MEP1B: variants seen among roughly 807,000 people sequenced by gnomAD.
MEP1B encodes N-benzoyl-L-tyrosyl-P-amino-benzoic acid hydrolase subunit beta.
MEP1B carries 80 observed loss-of-function variants against 84.6 expected under a neutral mutation model. The ratio of observed to expected loss-of-function variants is 0.95; its 90% CI spans 0.79 to 1.14. MEP1B has a LOEUF of 1.14. Among genes scored for constraint, MEP1B ranks in the 50% most tolerant of loss-of-function variants. The probability of loss-of-function intolerance (pLI) is 0.00; values close to 1 mark genes in which losing one functional copy is unlikely to be tolerated. For synonymous variants in MEP1B, 273 were observed against 288.1 expected (o/e 0.95, Z 0.53); for missense variants, 766 against 855.1 (o/e 0.90, Z 1.30).
At chr18:32,215,943 A>C (rs2041082707) in intron 12 of MEP1B, among the ~76,000 whole-genome samples, 1 of 149,246 alleles carries the variant, frequency 6.7e-6, no homozygotes, top group Non-Finnish European at 1.5e-5. Flanking sequence ...ACCTGTTTCA[A>C]ATGTACATAC....
chr18:32,190,220 G>GT (rs2040788938), intron 1 of MEP1B, 87 bp downstream of exon 1: 2 of 938,868 alleles, frequency 2.1e-6, no homozygotes, highest in African/African-American at 1.7e-5. Flanking sequence ...TTTTTTGTTT[G>GT]TTTTTTATAC....
chr18:32,194,280 T>G (rs1598886154), intron 4 of MEP1B, among the ~76,000 whole-genome samples: 2 of 152,184 alleles, frequency 1.3e-5, no homozygotes, highest in East Asian at 3.9e-4. Flanking sequence ...CTAATTTGTC[T>G]TTCTATTTCA....
At chr18:32,203,846 AG>A (rs973782990) in intron 6 of MEP1B, among the ~76,000 whole-genome samples, 1 of 151,782 alleles carries the variant, frequency 6.6e-6, no homozygotes, top group Non-Finnish European at 1.5e-5. Flanking sequence ...AAGAGTGGGG[AG>A]GGGGAGGTGC....
chr18:32,205,817 T>C (rs541229312), intron 7 of MEP1B, among the ~76,000 whole-genome samples: 2 of 152,238 alleles, frequency 1.3e-5, no homozygotes, highest in Non-Finnish European at 2.9e-5. Context: ...TATATACTTA[T>C]GTGGTACAGT....
intron 6 of MEP1B, 191 bp downstream of exon 6, chr18:32,203,201 G>A (rs17735714): frequency 0.16 from 77,640 of 483,440 alleles, 6,944 homozygotes; most frequent in South Asian, 0.21. Flanking sequence ...ACATGTAACC[G>A]CCTTTAGACA....
At chr18:32,195,365 C>T in intron 4 of MEP1B, 42 bp from the exon 5 acceptor site, 4 of 1,273,946 alleles carry the variant, frequency 3.1e-6, no homozygotes, top group South Asian at 1.2e-5. Flanking sequence ...TAAGTGTTTG[C>T]CTTATTTGTT....
rs149917646 is a variant in MEP1B at position 32,213,218 on chromosome 18, G to A, written c.1238G>A (p.Gly413Asp). Residue 413 changes from glycine to aspartate, a missense_variant, in exon 11 of 15, where the codon GGT (glycine) becomes GAT (aspartate). Coordinates refer to ENST00000269202, the MANE Select transcript of MEP1B (RefSeq NM_005925.3). Reference sequence around the variant, plus strand: ...CGCAAAGGCTCTGGTGCATCACTGGGTGGTCTGTCTATTGATGACATCAAT... The same window carrying A: ...CGCAAAGGCTCTGGTGCATCACTGGATGGTCTGTCTATTGATGACATCAAT... ...EGRKGSGASL[G>D]GLSIDDINLS... 3.7e-6 allele frequency: 6 copies of A among 1,613,986 alleles called. No homozygotes were observed. The highest frequency in any genetic ancestry group is 2.2e-5 in the East Asian group (1 of 44,890).
At chr18:32,207,496 CTT>C in intron 8 of MEP1B, 26 bp downstream of exon 8, 5 of 1,501,744 alleles carry the variant, frequency 3.3e-6, no homozygotes, top group Non-Finnish European at 4.6e-6. Flanking sequence ...TTTGAAATGA[CTT>C]ATATTTTCCG....
chr18:32,194,436 G>A (rs549578862), intron 4 of MEP1B, among the ~76,000 whole-genome samples: 171 of 152,136 alleles, frequency 1.1e-3, no homozygotes, highest in African/African-American at 4.0e-3. Flanking sequence ...ATCATCTCCC[G>A]ATTTAGTCCC....
intron 9 of MEP1B, among the ~76,000 whole-genome samples, chr18:32,209,544 G>A (rs1000962427): frequency 6.6e-6 from 1 of 151,796 alleles, no homozygotes; most frequent in Non-Finnish European, 1.5e-5. Flanking sequence ...ATTACTAGCT[G>A]TGCCTTCTTT....
chr18:32,215,268 C>G lies in MEP1B; in HGVS notation c.1759+7C>G, dbSNP rs2041071485. ...ATCCTACTGACAGTGGAAGGTATGT[C>G]AATAAAAATAGTTTTATATAAACTA... On this transcript the variant is annotated splice_region_variant and intron_variant, in intron 12 of 14. Transcript: ENST00000269202. 6.5e-7 allele frequency: 1 copy of G among 1,541,104 alleles called. No homozygotes were observed. Among genetic ancestry groups the G allele is most frequent in the Non-Finnish European group, 8.7e-7 (1 of 1,144,654 alleles).
At chr18:32,207,938 AT>A (rs1285339933) in intron 8 of MEP1B, among the ~76,000 whole-genome samples, 180 bp from the exon 9 acceptor site, 3 of 152,192 alleles carry the variant, frequency 2.0e-5, no homozygotes, top group Non-Finnish European at 2.9e-5. Flanking sequence ...TACAGAATTC[AT>A]TACCTTCTTT....
chr18:32,203,457 T>C (rs902217719), intron 6 of MEP1B, among the ~76,000 whole-genome samples: 1 of 152,168 alleles, frequency 6.6e-6, no homozygotes, highest in African/African-American at 2.4e-5. Flanking sequence ...CCCTTGTTAA[T>C]GGGCACAGGC....
chr18:32,193,695 C>T (rs2040824762), intron 4 of MEP1B, among the ~76,000 whole-genome samples: 1 of 152,136 alleles, frequency 6.6e-6, no homozygotes, highest in African/African-American at 2.4e-5. Context: ...TCTGCTCTTC[C>T]TTCCAACACA....
Position 32,213,402 on chromosome 18 carries a change from G to T in MEP1B, c.1422G>T (p.Gly474=). 6.2e-7 allele frequency: 1 copy of T among 1,613,860 alleles called. No individual in the cohort carries two copies. Among genetic ancestry groups the T allele is most frequent in the Non-Finnish European group, 8.5e-7 (1 of 1,179,830 alleles). Residue 474 remains glycine, a synonymous_variant, in exon 11 of 15, where the codon GGG becomes GGT. Transcript: ENST00000269202. Reference sequence around the variant, plus strand: ...ATCTAGCCCATGTGACTAATGCAGGGATATATTTCCACTTGATCTCTGGAG... The same window carrying T: ...ATCTAGCCCATGTGACTAATGCAGGTATATATTTCCACTTGATCTCTGGAG... ...YLNLAHVTNA[G]IYFHLISGAN... is the part of the protein sequence containing the mutation.
chr18:32,217,585 T>C (rs9953963), intron 13 of MEP1B, among the ~76,000 whole-genome samples, 176 bp from the exon 14 acceptor site: 16,046 of 152,174 alleles, frequency 0.11, 1,173 homozygotes, highest in African/African-American at 0.21. Flanking sequence ...CTTTCCATTG[T>C]TTATACCTGT....
rs565777700 is a variant in MEP1B, at chr18:32,191,838, T to C, written c.80T>C (p.Phe27Ser). 5 of 1,535,684 alleles carry C rather than the reference T, an allele frequency of 3.3e-6. No individual in the cohort carries two copies. In the South Asian group the frequency reaches 4.8e-5, roughly 15 times the overall value. The change falls in exon 2 of 15, where the codon TTT becomes TCT. Residue 27 changes from phenylalanine (F) to serine (S), a missense_variant and splice_region_variant. Coordinates refer to ENST00000269202, the MANE Select transcript of MEP1B (RefSeq NM_005925.3). ...ATTTCCCAGGCAACTCCAGAAAACTTTGGTGAGTCTATTTTGAGTTTTGTT... is the reference window on the plus strand; with the variant it reads ...ATTTCCCAGGCAACTCCAGAAAACTCTGGTGAGTCTATTTTGAGTTTTGTT... ...VISGLATPEN[F>S]DVDGGMDQDI...
intron 7 of MEP1B, 84 bp from the exon 8 acceptor site, chr18:32,207,168 C>T: frequency 2.3e-6 from 2 of 856,752 alleles, no homozygotes; most frequent in Non-Finnish European, 3.7e-6. Context: ...TTATTATATT[C>T]TCCATTTCTA....
intron 5 of MEP1B, among the ~76,000 whole-genome samples, chr18:32,197,428 CAG>C (rs961893627): frequency 1.4e-5 from 2 of 138,936 alleles, no homozygotes; most frequent in African/African-American, 2.7e-5. Flanking sequence ...TGTTTTGAGA[CAG>C]AGTCTTGCTC....
Sources: allele counts gnomAD v4.1 joint callset (sites outside exome capture counted in the v4.1 genomes callset), GRCh38; gene constraint gnomAD v4.1.1; transcripts MANE v1.5; gene names NCBI Gene and HGNC (gene_info 2026-07-23, HGNC 2026-07-21).